Variants in ATP8A2 observed in about 807,000 individuals in gnomAD.
ATP8A2 encodes ATPase phospholipid transporting 8A2, also known as phospholipid-transporting ATPase IB.
A neutral mutation model predicts 165.6 loss-of-function variants in ATP8A2; 100 were observed. The observed-to-expected ratio is 0.60, with a 90% CI of 0.51 to 0.71. The LOEUF is 0.71. Among genes scored for constraint, ATP8A2 ranks in the 30% least tolerant of loss-of-function variants. ATP8A2 has a pLI of 0.00. For missense variants in ATP8A2, 1,227 were observed against 1,479.5 expected (o/e 0.83, Z 2.80); for synonymous variants, 543 against 548.8 (o/e 0.99, Z 0.15).
At chr13:25,705,055 C>T in intron 25 of ATP8A2, 1 of 295,032 alleles carries the variant, frequency 3.4e-6, no homozygotes, top group Non-Finnish European at 6.6e-6. Context: ...TGTCATTCTC[C>T]AAAGGGGTGA....
At chr13:25,378,851 G>GAATA (rs1194059410) in intron 1 of ATP8A2, among the ~76,000 whole-genome samples, 1 of 152,160 alleles carries the variant, frequency 6.6e-6, no homozygotes, top group Admixed American at 6.5e-5. Context: ...AGTGAGTCTG[G>GAATA]TGCTGTGAGA....
intron 27 of ATP8A2, among the ~76,000 whole-genome samples, chr13:25,800,517 G>A (rs1950600490): frequency 6.6e-6 from 1 of 152,086 alleles, no homozygotes; most frequent in Non-Finnish European, 1.5e-5. Flanking sequence ...ATTATATAGG[G>A]TGCAGCAACT....
intron 25 of ATP8A2, among the ~76,000 whole-genome samples, chr13:25,743,739 T>C (rs1198019243): frequency 6.6e-6 from 1 of 152,348 alleles, no homozygotes; most frequent in East Asian, 1.9e-4. Context: ...GTTCTAGAGC[T>C]TTCAACAAGT....
chr13:25,741,464 G>A (rs1337117587), intron 25 of ATP8A2, among the ~76,000 whole-genome samples: 9 of 152,074 alleles, frequency 5.9e-5, no homozygotes, highest in Non-Finnish European at 1.2e-4. Flanking sequence ...CACTGCAGCC[G>A]CAAGCTCCCT....
At chr13:25,594,273 G>A (rs1317821228) in intron 24 of ATP8A2, among the ~76,000 whole-genome samples, 7 of 152,108 alleles carry the variant, frequency 4.6e-5, no homozygotes, top group African/African-American at 1.7e-4. Context: ...ATATTTGTTA[G>A]TAAAGGACAA....
intron 24 of ATP8A2, among the ~76,000 whole-genome samples, chr13:25,598,318 G>C (rs1275888195): frequency 6.6e-6 from 1 of 152,038 alleles, no homozygotes; most frequent in African/African-American, 2.4e-5. Flanking sequence ...TTTAAAGACT[G>C]TTTTGGTCGT....
At chr13:25,597,164 C>A (rs557298931) in intron 24 of ATP8A2, among the ~76,000 whole-genome samples, 1 of 151,700 alleles carries the variant, frequency 6.6e-6, no homozygotes, top group Non-Finnish European at 1.5e-5. Context: ...GGATATAAAC[C>A]CTGTTTCATA....
At chr13:25,513,670 G>A (rs1031772513) in intron 2 of ATP8A2, among the ~76,000 whole-genome samples, 2 of 152,074 alleles carry the variant, frequency 1.3e-5, no homozygotes, top group African/African-American at 4.8e-5. Context: ...GGGCACCATT[G>A]AGCACTGAGT....
intron 25 of ATP8A2, among the ~76,000 whole-genome samples, chr13:25,742,698 A>G (rs1002965872): frequency 4.0e-5 from 2 of 49,636 alleles, no homozygotes; most frequent in Non-Finnish European, 8.7e-5. Flanking sequence ...TTTTTTTTTT[A>G]TGGTAAATCT....
intron 2 of ATP8A2, among the ~76,000 whole-genome samples, chr13:25,480,324 C>CTGCCGGGCGGGGT (rs2036138272): frequency 1.3e-5 from 2 of 149,982 alleles, no homozygotes; most frequent in Non-Finnish European, 3.0e-5. Flanking sequence ...CCGGACGGGG[C>CTGCCGGGCGGGGT]GGCTGCCGGG....
chr13:25,503,237 C>T (rs535133912), intron 2 of ATP8A2, among the ~76,000 whole-genome samples: 2 of 152,264 alleles, frequency 1.3e-5, no homozygotes, highest in East Asian at 1.9e-4. Flanking sequence ...TGTGCAGCAT[C>T]GAGACCGAGT....
chr13:25,699,075 G>T (rs1489743332), intron 24 of ATP8A2, 98 bp from the exon 25 acceptor site: 16 of 907,000 alleles, frequency 1.8e-5, no homozygotes, highest in East Asian at 2.6e-5. Context: ...TATTAGAATG[G>T]GTGTGTTCTC....
At chr13:25,837,423 C>CCACACA (rs72194516) in intron 29 of ATP8A2, 138 bp downstream of exon 29, 20 of 311,596 alleles carry the variant, frequency 6.4e-5, no homozygotes, top group African/African-American at 2.6e-4. Context: ...CACCCCACCA[C>CCACACA]CACACACACA....
intron 1 of ATP8A2, among the ~76,000 whole-genome samples, chr13:25,416,946 TTG>T: frequency 6.6e-6 from 1 of 152,224 alleles, no homozygotes; most frequent in Middle Eastern, 3.4e-3. Flanking sequence ...TGCTTATGAT[TTG>T]TGTTTCTTCA....
chr13:25,817,140 C>T lies in ATP8A2; in HGVS notation c.2680-10978C>T, dbSNP rs116122776. On this transcript the variant is annotated intron_variant, in intron 27 of 36. Transcript: ENST00000381655. ...ACCAGTGACCTCCAGATGAAAGGCT[C>T]ATTATTTCCTTACTGGTCTCAAGAG... 5.7e-3 allele frequency among the ~76,000 whole-genome samples: 870 copies of T among 152,202 alleles called. 15 individuals are homozygous for T. The highest frequency in any genetic ancestry group is 0.02 in the African/African-American group (841 of 41,510).
chr13:25,529,301 T>A (rs1462132191), intron 2 of ATP8A2, among the ~76,000 whole-genome samples: 1 of 152,218 alleles, frequency 6.6e-6, no homozygotes, highest in Non-Finnish European at 1.5e-5. Context: ...TCACTCACTA[T>A]CTGCTATGTG....
At chr13:25,650,060 T>G (rs1309604379) in intron 24 of ATP8A2, among the ~76,000 whole-genome samples, 5 of 152,198 alleles carry the variant, frequency 3.3e-5, no homozygotes, top group Non-Finnish European at 7.3e-5. Flanking sequence ...GATATTTGCT[T>G]TCGGGTTCTC....
At chr13:25,787,152 C>T (rs567012970) in intron 27 of ATP8A2, among the ~76,000 whole-genome samples, 3 of 152,354 alleles carry the variant, frequency 2.0e-5, no homozygotes, top group East Asian at 3.9e-4. Flanking sequence ...CTTCCTACTA[C>T]ACCCAGATAA....
At chr13:25,428,553 A>T (rs1279278141) in intron 1 of ATP8A2, among the ~76,000 whole-genome samples, 1 of 152,158 alleles carries the variant, frequency 6.6e-6, no homozygotes, top group Non-Finnish European at 1.5e-5. Context: ...ACCACAGGGA[A>T]CACCGTCTCA....
Sources: allele counts gnomAD v4.1 joint callset (sites outside exome capture counted in the v4.1 genomes callset), GRCh38; gene constraint gnomAD v4.1.1; transcripts MANE v1.5; gene names NCBI Gene and HGNC (gene_info 2026-07-23, HGNC 2026-07-21).